MTSS1: variants seen among roughly 807,000 people sequenced by gnomAD.
MTSS1 encodes the protein MTSS I-BAR domain containing 1.
Under a neutral mutation model 79.0 loss-of-function variants are expected in MTSS1, and 18 were observed. That is an observed-to-expected ratio of 0.23 (90% confidence interval 0.16 to 0.34). The LOEUF (loss-of-function observed/expected upper bound fraction) is 0.34. MTSS1 is among the 10% of genes least tolerant of loss of function. The pLI is 1.00. For missense variants in MTSS1, 815 were observed against 986.2 expected (o/e 0.83, Z 2.33); for synonymous variants, 341 against 368.6 (o/e 0.93, Z 0.86).
chr8:124,655,626 T>C (rs1173851780), intron 3 of MTSS1, among the ~76,000 whole-genome samples: 1 of 152,172 alleles, frequency 6.6e-6, no homozygotes, highest in Non-Finnish European at 1.5e-5. Context: ...GCCTGGGAGA[T>C]AAATACTCTT....
intron 3 of MTSS1, among the ~76,000 whole-genome samples, chr8:124,654,733 C>T (rs1228753814): frequency 6.6e-6 from 1 of 152,184 alleles, no homozygotes; most frequent in East Asian, 1.9e-4. Flanking sequence ...ACTCACATGA[C>T]TATCTGACAA....
intron 3 of MTSS1, among the ~76,000 whole-genome samples, chr8:124,634,710 A>G (rs2133876744): frequency 6.6e-6 from 1 of 152,278 alleles, no homozygotes. Context: ...GCTTCAAAAA[A>G]AAAAAATGCT....
chr8:124,616,792 A>T (rs1460375974), intron 3 of MTSS1, among the ~76,000 whole-genome samples: 1 of 152,200 alleles, frequency 6.6e-6, no homozygotes, highest in Non-Finnish European at 1.5e-5. Context: ...CACTTGTTGA[A>T]ATCTTCAGAT....
chr8:124,688,045 C>T (rs1827273322), intron 3 of MTSS1, among the ~76,000 whole-genome samples: 2 of 152,212 alleles, frequency 1.3e-5, no homozygotes, highest in South Asian at 4.2e-4. Flanking sequence ...GTCCCTGGGC[C>T]CTAGCACACA....
rs947823847 is a variant in MTSS1, at chr8:124,597,197, A to G, written c.209-5962T>C. Among the ~76,000 whole-genome samples the G allele has an allele frequency of 3.9e-5, 6 of 152,196 alleles. No homozygotes were observed. Among genetic ancestry groups the G allele is most frequent in the Non-Finnish European group, 5.9e-5 (4 of 68,026 alleles). The stretch of plus-strand genomic sequence containing the variant: ...ATGGTGCAGGGAACACTGTCCTGAC[A>G]GCAACCCTCTGTGGTAGGCATTATC... On this transcript the variant is annotated intron_variant, in intron 3 of 13. Coordinates refer to ENST00000518547, the MANE Select transcript of MTSS1 (RefSeq NM_014751.6). The surrounding 1 kb of genome is among the most constrained non-coding windows in gnomAD (Gnocchi z 4.6).
intron 13 of MTSS1, among the ~76,000 whole-genome samples, chr8:124,554,438 C>T (rs1279864969): frequency 6.6e-6 from 1 of 152,112 alleles, no homozygotes; most frequent in Non-Finnish European, 1.5e-5. Context: ...GAAATGTCTA[C>T]AGACATTGCC....
At chr8:124,656,369 T>G (rs545859106) in intron 3 of MTSS1, among the ~76,000 whole-genome samples, 2 of 151,606 alleles carry the variant, frequency 1.3e-5, no homozygotes, top group Admixed American at 6.6e-5. Context: ...AATCCATTCA[T>G]AGGAGGAAAA....
chr8:124,674,227 G>C (rs1437915820), intron 3 of MTSS1, among the ~76,000 whole-genome samples: 3 of 152,154 alleles, frequency 2.0e-5, no homozygotes, highest in Non-Finnish European at 4.4e-5. Context: ...TTTTGAATTG[G>C]TAGAGGTGGT....
At chr8:124,656,438 C>A (rs936437655) in intron 3 of MTSS1, among the ~76,000 whole-genome samples, 1 of 149,650 alleles carries the variant, frequency 6.7e-6, no homozygotes, top group East Asian at 1.9e-4. Context: ...TAAATTGCTA[C>A]CAAAAGGACA....
intron 3 of MTSS1, among the ~76,000 whole-genome samples, chr8:124,637,709 TC>T (rs1377394960): frequency 1.3e-5 from 2 of 152,186 alleles, no homozygotes; most frequent in East Asian, 3.9e-4. Flanking sequence ...TCTCAGATTC[TC>T]CCCCCAAAGC....
chr8:124,565,592 C>T, intron 9 of MTSS1, 70 bp downstream of exon 9: 1 of 1,316,718 alleles, frequency 7.6e-7, no homozygotes, highest in Non-Finnish European at 1.1e-6. Context: ...AGGACTGGCT[C>T]CATTGCTCAC....
At chr8:124,639,206 C>T (rs1029684763) in intron 3 of MTSS1, among the ~76,000 whole-genome samples, 6 of 152,056 alleles carry the variant, frequency 3.9e-5, no homozygotes, top group South Asian at 4.2e-4. Flanking sequence ...GCTTTGGTGG[C>T]GCACACCTGT....
At chr8:124,639,638 A>G (rs754248739) in intron 3 of MTSS1, among the ~76,000 whole-genome samples, 1 of 151,696 alleles carries the variant, frequency 6.6e-6, no homozygotes, top group Non-Finnish European at 1.5e-5. Flanking sequence ...AATTTTTTGT[A>G]TTTTTAGTAG....
Position 124,552,562 on chromosome 8 carries a change from G to C in MTSS1, c.*430C>G, listed in dbSNP as rs1178251662. 1 of 172,506 alleles carries C rather than the reference G, an allele frequency of 5.8e-6. No homozygotes were observed. The highest frequency in any genetic ancestry group is 1.3e-5 in the Non-Finnish European group (1 of 79,134). The allele number at this position is 172,506 out of a possible 1,614,324, so 10.7% of individuals were successfully genotyped here. ...TAAAATAACTTGCATTTGCTTCTAA[G>C]CTAGACTACTACAATGCATCTACAA... is the stretch of plus-strand genomic sequence containing the variant. On this transcript the variant is annotated 3_prime_UTR_variant, in exon 14 of 14. Coordinates refer to ENST00000518547, the MANE Select transcript of MTSS1 (RefSeq NM_014751.6).
chr8:124,693,771 C>T (rs183118883), intron 3 of MTSS1, among the ~76,000 whole-genome samples: 26 of 152,310 alleles, frequency 1.7e-4, no homozygotes, highest in African/African-American at 5.3e-4. Flanking sequence ...CTTAATCTTG[C>T]TTCCTCCACT....
At chr8:124,592,704 T>G (rs1361390135) in intron 3 of MTSS1, among the ~76,000 whole-genome samples, 2 of 152,138 alleles carry the variant, frequency 1.3e-5, no homozygotes, top group African/African-American at 2.4e-5. Flanking sequence ...GAGAGAAACC[T>G]TCTGAGGGCA....
intron 1 of MTSS1, among the ~76,000 whole-genome samples, chr8:124,705,242 G>A (rs1830227788): frequency 6.6e-6 from 1 of 152,160 alleles, no homozygotes; most frequent in Non-Finnish European, 1.5e-5. Context: ...AGGCCAAGGT[G>A]GGCAGACATC....
rs889750813 is a variant in MTSS1, at chr8:124,686,801, T to C, written c.208+12725A>G. Among the ~76,000 whole-genome samples the C allele has an allele frequency of 2.3e-4, 35 of 152,192 alleles. 1 individual carries two copies. The highest frequency in any genetic ancestry group is 2.6e-4 in the Admixed American group (4 of 15,284). Reference sequence around the variant, plus strand: ...GCCCTGGTCTCAATTCTGAGGTGTTTCCATAAACTGATCCCTGAGGTGGGA... The same window carrying C: ...GCCCTGGTCTCAATTCTGAGGTGTTCCCATAAACTGATCCCTGAGGTGGGA... On this transcript the variant is annotated intron_variant, in intron 3 of 13. Coordinates refer to ENST00000518547, the MANE Select transcript of MTSS1 (RefSeq NM_014751.6).
chr8:124,571,452 G>T lies in MTSS1; in HGVS notation c.461-2916C>A, dbSNP rs992254747. On this transcript the variant is annotated intron_variant, in intron 6 of 13. Coordinates refer to ENST00000518547, the MANE Select transcript of MTSS1 (RefSeq NM_014751.6). Reference sequence around the variant, plus strand: ...GCATGGCCAATTGTGGGCCTTGTTGGGTCACATGACTCAGGGCTGGTCTAG... The same window carrying T: ...GCATGGCCAATTGTGGGCCTTGTTGTGTCACATGACTCAGGGCTGGTCTAG... Among the ~76,000 whole-genome samples the T allele has an allele frequency of 3.3e-5, 5 of 152,104 alleles. No homozygotes were observed. In the East Asian group the frequency reaches 9.6e-4, roughly 29 times the overall value.
Sources: allele counts gnomAD v4.1 joint callset (sites outside exome capture counted in the v4.1 genomes callset), GRCh38; gene constraint gnomAD v4.1.1; non-coding constraint Gnocchi (gnomAD v3.1); transcripts MANE v1.5; gene names NCBI Gene and HGNC (gene_info 2026-07-23, HGNC 2026-07-21).